The following HDAC9 variants were observed in gnomAD, a reference collection of about 807,000 sequenced individuals.
The protein encoded by HDAC9 is MEF-2 interacting transcription repressor (MITR) protein.
In HDAC9, 41 loss-of-function variants were observed where a neutral mutation model predicts 139.4. The observed-to-expected ratio is 0.29, with a 90% CI of 0.23 to 0.38. The LOEUF is 0.38. Among genes scored for constraint, HDAC9 ranks in the 10% least tolerant of loss-of-function variants. HDAC9 has a pLI of 1.00. For synonymous variants in HDAC9, 517 were observed against 476.2 expected (o/e 1.09, Z -1.12); for missense variants, 1,147 against 1,297.0 (o/e 0.88, Z 1.78).
At chr7:18,614,850 A>G (rs1170182001) in intron 6 of HDAC9, among the ~76,000 whole-genome samples, 1 of 152,176 alleles carries the variant, frequency 6.6e-6, no homozygotes, top group African/African-American at 2.4e-5. Context: ...TTAGCTGCCA[A>G]ATAATATGTT....
chr7:18,427,228 A>G (rs1230782937), intron 1 of HDAC9, among the ~76,000 whole-genome samples: 1 of 152,130 alleles, frequency 6.6e-6, no homozygotes, highest in African/African-American at 2.4e-5. Context: ...TGTTGAAGTA[A>G]GTTAAGTCCT....
chr7:18,667,254 A>G (rs971654234), intron 12 of HDAC9: 72 of 985,212 alleles, frequency 7.3e-5, no homozygotes, highest in Middle Eastern at 1.0e-3. Flanking sequence ...GTTAGTGAGA[A>G]GTAATGTGCA....
chr7:18,119,582 T>C lies in HDAC9; in HGVS notation c.-97+32369T>C, dbSNP rs139538363. Among the ~76,000 whole-genome samples, 389 of 152,242 alleles carry C rather than the reference T, an allele frequency of 2.6e-3. 2 individuals carry two copies. Among genetic ancestry groups the C allele is most frequent in the African/African-American group, 8.6e-3 (359 of 41,542 alleles). On this transcript the variant is annotated intron_variant, in intron 1 of 12. Transcript: ENST00000417496. Reference sequence around the variant, plus strand: ...GTAGTGAAGGAAACAGGAAGAGAGATTGAGGAGCTTAGCCAGTTGATCAGA... The same window carrying C: ...GTAGTGAAGGAAACAGGAAGAGAGACTGAGGAGCTTAGCCAGTTGATCAGA...
At chr7:18,397,093 T>G (rs1429159818) in intron 1 of HDAC9, among the ~76,000 whole-genome samples, 2 of 151,952 alleles carry the variant, frequency 1.3e-5, no homozygotes, top group African/African-American at 4.8e-5. Flanking sequence ...GAGAATAGAT[T>G]TAGGGTGCAT....
intron 17 of HDAC9, among the ~76,000 whole-genome samples, chr7:18,816,812 G>C (rs1794594830): frequency 6.6e-6 from 1 of 152,152 alleles, no homozygotes; most frequent in African/African-American, 2.4e-5. Flanking sequence ...ACAATGTTCA[G>C]TTTCTTTAGA....
At chr7:18,770,808 T>C (rs1374288874) in intron 16 of HDAC9, among the ~76,000 whole-genome samples, 1 of 152,152 alleles carries the variant, frequency 6.6e-6, no homozygotes, top group Non-Finnish European at 1.5e-5. Context: ...GCTTATGGCA[T>C]TTGTTTAGAT....
rs150665157 is a variant in HDAC9 at position 18,936,420 on chromosome 7, G to A, written c.2937+478G>A. ...AAAAATGTTGAGAAATCCATCCAAAGTCATGCAGTCAGAATGCATTATAAG... is the reference window on the plus strand; with the variant it reads ...AAAAATGTTGAGAAATCCATCCAAAATCATGCAGTCAGAATGCATTATAAG... On this transcript the variant is annotated intron_variant, in intron 23 of 25. Coordinates refer to ENST00000686413, the MANE Select transcript of HDAC9 (RefSeq NM_178425.4). Among the ~76,000 whole-genome samples, 271 of 152,246 alleles carry A rather than the reference G, an allele frequency of 1.8e-3. 1 individual carries two copies. Among genetic ancestry groups the A allele is most frequent in the African/African-American group, 6.4e-3 (267 of 41,546 alleles).
rs138671606 is a variant in HDAC9, at chr7:18,433,415, A to C, written c.-41-62847A>C. Among the ~76,000 whole-genome samples the C allele has an allele frequency of 1.2e-3, 179 of 152,306 alleles. 6 individuals are homozygous for C. The East Asian group carries it at 0.031, about 26-fold the overall frequency. ...CAAAGCAGTCAGGCAAGAGAAGGAA[A>C]TAAAAGGCATCCAAATAGGAAGAGA... On this transcript the variant is annotated intron_variant, in intron 1 of 3. Coordinates refer to the HDAC9 transcript ENST00000413509.
In HDAC9 at chr7:18,428,586, A is replaced by G. The variant is rs10233945; in HGVS notation, c.-41-67676A>G. Among the ~76,000 whole-genome samples, 514 of 152,332 alleles carry G rather than the reference A, an allele frequency of 3.4e-3. 2 individuals are homozygous for G. Among genetic ancestry groups the G allele is most frequent in the African/African-American group, 0.012 (499 of 41,578 alleles). ...AGTGAAATATCACTTTATACCTGTT[A>G]GGATGGCTAACCTCAAAACAAACAA... is the stretch of plus-strand genomic sequence containing the variant. On this transcript the variant is annotated intron_variant, in intron 1 of 3. Transcript: ENST00000413509.
At chr7:18,463,021 C>G (rs1403693813) in intron 1 of HDAC9, among the ~76,000 whole-genome samples, 1 of 151,994 alleles carries the variant, frequency 6.6e-6, no homozygotes, top group Non-Finnish European at 1.5e-5. Flanking sequence ...CTTGTCCATA[C>G]TTGGTGTCCA....
intron 22 of HDAC9, among the ~76,000 whole-genome samples, chr7:18,907,907 A>T (rs888738293): frequency 6.6e-6 from 1 of 152,132 alleles, no homozygotes; most frequent in Admixed American, 6.5e-5. Context: ...GTATCATCAT[A>T]ATGTATTTTA....
At chr7:18,543,177 C>T (rs990729606) in intron 2 of HDAC9, 1 of 152,124 alleles carries the variant, frequency 6.6e-6, no homozygotes, top group Non-Finnish European at 1.5e-5. Flanking sequence ...AGGTTTCCTT[C>T]CAAATTCTCT....
chr7:18,441,538 A>G (rs1008908298), intron 1 of HDAC9, among the ~76,000 whole-genome samples: 2 of 152,188 alleles, frequency 1.3e-5, no homozygotes, highest in Non-Finnish European at 2.9e-5. Flanking sequence ...ACATGAAGTG[A>G]TTTATCTCAG....
intron 1 of HDAC9, among the ~76,000 whole-genome samples, chr7:18,121,227 C>A (rs1391577300): frequency 6.6e-6 from 1 of 152,256 alleles, no homozygotes; most frequent in Non-Finnish European, 1.5e-5. Context: ...ACTCCCTCCT[C>A]TAGAATATTA....
intron 21 of HDAC9, among the ~76,000 whole-genome samples, chr7:18,849,270 C>T (rs2129222300): frequency 6.6e-6 from 1 of 152,224 alleles, no homozygotes; most frequent in African/African-American, 2.4e-5. Flanking sequence ...TCTCCTTTTT[C>T]CACTGATTAC....
intron 22 of HDAC9, among the ~76,000 whole-genome samples, chr7:18,901,207 CATATATAT>C (rs3085465): frequency 0.053 from 7,368 of 138,824 alleles, 210 homozygotes; most frequent in African/African-American, 0.084. Flanking sequence ...ACTATATATA[CATATATAT>C]ATATATACAC....
chr7:18,962,619 A>G (rs1783599217), intron 24 of HDAC9, among the ~76,000 whole-genome samples: 1 of 152,150 alleles, frequency 6.6e-6, no homozygotes, highest in Non-Finnish European at 1.5e-5. Flanking sequence ...CTAGGACTGA[A>G]AACTCTTTGT....
intron 2 of HDAC9, among the ~76,000 whole-genome samples, chr7:18,239,720 C>G (rs113906886): frequency 6.6e-6 from 1 of 152,074 alleles, no homozygotes; most frequent in African/African-American, 2.4e-5. Context: ...ATAGTTTAAT[C>G]AAAAATGGGC....
upstream of HDAC9, among the ~76,000 whole-genome samples, chr7:18,285,509 A>T: frequency 6.6e-6 from 1 of 152,030 alleles, no homozygotes; most frequent in Non-Finnish European, 1.5e-5. Flanking sequence ...ACTCTTAAGG[A>T]GTGTGAACGT....
Sources: allele counts gnomAD v4.1 joint callset (sites outside exome capture counted in the v4.1 genomes callset), GRCh38; gene constraint gnomAD v4.1.1; transcripts MANE v1.5; gene names NCBI Gene and HGNC (gene_info 2026-07-23, HGNC 2026-07-21).